The following CLVS1 variants were observed in gnomAD, a reference collection of about 807,000 sequenced individuals.
The protein encoded by CLVS1 is clavesin 1, also known as clavesin-1.
CLVS1 carries 10 observed loss-of-function variants against 33.1 expected under a neutral mutation model. The ratio of observed to expected loss-of-function variants is 0.30; its 90% CI spans 0.19 to 0.51. The LOEUF is 0.51. Among genes scored for constraint, CLVS1 ranks in the 20% least tolerant of loss-of-function variants. The pLI is 0.97. For synonymous variants in CLVS1, 163 were observed against 166.1 expected, an observed-to-expected ratio of 0.98 and a Z score of 0.14; for missense variants, 343 against 433.4, an observed-to-expected ratio of 0.79 and a Z score of 1.85.
At chr8:61,103,160 G>A (rs888409409) in intron 1 of CLVS1, among the ~76,000 whole-genome samples, 9 of 152,214 alleles carry the variant, frequency 5.9e-5, no homozygotes, top group African/African-American at 2.2e-4. Flanking sequence ...CTTTGCTAGT[G>A]GACCTGAAAT....
chr8:61,380,444 A>G (rs1813826695), intron 3 of CLVS1, among the ~76,000 whole-genome samples: 1 of 152,186 alleles, frequency 6.6e-6, no homozygotes, highest in South Asian at 2.1e-4. Context: ...TCGTGTATGT[A>G]TTATAAATTC....
At chr8:61,215,832 G>A (rs765853607) in intron 2 of CLVS1, among the ~76,000 whole-genome samples, 4 of 152,002 alleles carry the variant, frequency 2.6e-5, no homozygotes, top group South Asian at 2.1e-4. Context: ...TTTCCAGACC[G>A]AGTGCTGTTG....
chr8:61,200,114 G>A (rs191646283), intron 2 of CLVS1, among the ~76,000 whole-genome samples: 2 of 152,110 alleles, frequency 1.3e-5, no homozygotes, highest in African/African-American at 2.4e-5. Flanking sequence ...AAAAACAAGT[G>A]CACATTTATT....
At chr8:61,294,609 A>G (rs954351424) in intron 1 of CLVS1, among the ~76,000 whole-genome samples, 1 of 152,154 alleles carries the variant, frequency 6.6e-6, no homozygotes, top group East Asian at 1.9e-4. Context: ...TCTTCTGTCT[A>G]TTGCAGGATC....
chr8:61,414,262 A>G (rs1815342718), intron 3 of CLVS1, among the ~76,000 whole-genome samples: 1 of 152,232 alleles, frequency 6.6e-6, no homozygotes, highest in African/African-American at 2.4e-5. Flanking sequence ...GGAATGCATA[A>G]CGTGAGAGTT....
At chr8:61,367,805 T>G (rs190437959) in intron 2 of CLVS1, among the ~76,000 whole-genome samples, 5 of 152,340 alleles carry the variant, frequency 3.3e-5, no homozygotes, top group African/African-American at 1.2e-4. Flanking sequence ...TTGCCTCCCA[T>G]GTACATATAT....
At chr8:61,373,036 T>G (rs559094193) in intron 2 of CLVS1, among the ~76,000 whole-genome samples, 112 of 152,280 alleles carry the variant, frequency 7.4e-4, no homozygotes, top group Admixed American at 2.4e-3. Context: ...ACTTATGGAG[T>G]GGGGAGTTAT....
At chr8:61,435,319 A>T (rs73685029) in intron 3 of CLVS1, among the ~76,000 whole-genome samples, 3,038 of 152,270 alleles carry the variant, frequency 0.02, 94 homozygotes, top group African/African-American at 0.069. Context: ...CTTTAATTTT[A>T]GGAAGCACTT....
intron 2 of CLVS1, among the ~76,000 whole-genome samples, chr8:61,322,135 G>A (rs1396090037): frequency 6.6e-6 from 1 of 152,122 alleles, no homozygotes; most frequent in African/African-American, 2.4e-5. Flanking sequence ...ACATCCCCTG[G>A]CACAGAGTAG....
intron 2 of CLVS1, among the ~76,000 whole-genome samples, chr8:61,348,471 A>G (rs1812318627): frequency 6.6e-6 from 1 of 152,086 alleles, no homozygotes; most frequent in Admixed American, 6.5e-5. Flanking sequence ...CCTAGAACTT[A>G]AAGTATAATA....
intron 3 of CLVS1, among the ~76,000 whole-genome samples, chr8:61,429,574 C>T (rs1490932073): frequency 6.6e-6 from 1 of 152,090 alleles, no homozygotes; most frequent in Non-Finnish European, 1.5e-5. Flanking sequence ...TTAAAGTTCC[C>T]ACCTCTCAAT....
At position 61,449,692 on chromosome 8, in the gene CLVS1, A is replaced by G. The variant is rs537451786; in HGVS notation, c.631-4449A>G. Among the ~76,000 whole-genome samples the G allele has an allele frequency of 2.6e-5, 4 of 152,206 alleles. No individual in the cohort carries two copies. The East Asian group carries it at 7.7e-4, about 29-fold the overall frequency. ...TTTTATTGATTTATTTGTTGTCTGC[A>G]CCAGTTGGTTTTTCCAGGTACTGCC... On this transcript the variant is annotated intron_variant, in intron 3 of 5. Coordinates refer to ENST00000325897, the MANE Select transcript of CLVS1 (RefSeq NM_173519.3).
chr8:61,009,712 A>C, the CLVS1 span, among the ~76,000 whole-genome samples: 3 of 152,178 alleles, frequency 2.0e-5, no homozygotes, highest in Admixed American at 2.0e-4. Flanking sequence ...TAGGCACTTT[A>C]GGTATCCTAT....
chr8:61,320,924 C>T (rs1429175421), intron 2 of CLVS1, among the ~76,000 whole-genome samples: 1 of 152,082 alleles, frequency 6.6e-6, no homozygotes, highest in Non-Finnish European at 1.5e-5. Context: ...CCTTTACTTA[C>T]TCTGTGTTAT....
intron 2 of CLVS1, among the ~76,000 whole-genome samples, chr8:61,269,923 T>C (rs1470555579): frequency 6.8e-6 from 1 of 147,358 alleles, no homozygotes; most frequent in Non-Finnish European, 1.5e-5. Context: ...GCTGAGACAA[T>C]GGGGTTTTCT....
intron 2 of CLVS1, among the ~76,000 whole-genome samples, chr8:61,143,322 A>G (rs60556119): frequency 0.024 from 3,636 of 152,326 alleles, 141 homozygotes; most frequent in African/African-American, 0.082. Flanking sequence ...ACTGTGGTCC[A>G]GCTCATTCAA....
intron 1 of CLVS1, among the ~76,000 whole-genome samples, chr8:61,062,327 A>G (rs181034074): frequency 1.3e-5 from 2 of 152,334 alleles, no homozygotes; most frequent in Admixed American, 1.3e-4. Flanking sequence ...CTACTCACAT[A>G]AAATAAGAAT....
At chr8:61,266,785 T>C (rs1260898611) in intron 2 of CLVS1, among the ~76,000 whole-genome samples, 1 of 152,240 alleles carries the variant, frequency 6.6e-6, no homozygotes, top group Non-Finnish European at 1.5e-5. Context: ...TTTGTTTTTT[T>C]ATTTGACAGT....
the CLVS1 span, among the ~76,000 whole-genome samples, chr8:61,035,266 G>C: frequency 6.6e-6 from 1 of 150,954 alleles, no homozygotes; most frequent in Non-Finnish European, 1.5e-5. Flanking sequence ...TTTGAGGGGA[G>C]AGTCTGAAAT....
Sources: gnomAD v4.1 joint callset for allele counts (sites outside exome capture counted in the v4.1 genomes callset) on GRCh38, gnomAD v4.1.1 for gene constraint, MANE v1.5 for transcripts, NCBI Gene and HGNC (gene_info 2026-07-23, HGNC 2026-07-21) for gene names.